The following DPP10 variants were observed in gnomAD, a reference collection of about 807,000 sequenced individuals.
The protein encoded by DPP10 is dipeptidyl peptidase like 10.
A neutral mutation model predicts 120.9 loss-of-function variants in DPP10; 33 were observed. That is an observed-to-expected ratio of 0.27 (90% CI 0.21 to 0.37). DPP10 has a LOEUF of 0.37. Ranked by LOEUF, DPP10 falls within the 10% of genes least tolerant of loss-of-function variation. The pLI, the probability that DPP10 is intolerant of heterozygous loss-of-function variation, is 1.00. For synonymous variants in DPP10, 337 were observed against 326.1 expected, an observed-to-expected ratio of 1.03 and a Z score of -0.36; for missense variants, 816 against 942.8, an observed-to-expected ratio of 0.87 and a Z score of 1.76.
intron 3 of DPP10, among the ~76,000 whole-genome samples, chr2:115,448,280 T>C (rs929962124): frequency 6.6e-6 from 1 of 152,100 alleles, no homozygotes; most frequent in African/African-American, 2.4e-5. Flanking sequence ...AGAATTGGGT[T>C]CTATCAGAAT....
chr2:115,647,557 A>G (rs957157260), intron 5 of DPP10, among the ~76,000 whole-genome samples: 1 of 152,164 alleles, frequency 6.6e-6, no homozygotes, highest in Non-Finnish European at 1.5e-5. Flanking sequence ...AAATTAACAA[A>G]CAAAGGACTG....
chr2:115,435,051 CAT>C (rs58828924), intron 3 of DPP10, among the ~76,000 whole-genome samples: 4,033 of 148,040 alleles, frequency 0.027, 64 homozygotes, highest in African/African-American at 0.039. Context: ...CACATGCACA[CAT>C]ATATATATAT....
intron 1 of DPP10, among the ~76,000 whole-genome samples, chr2:114,636,383 GC>G (rs1356539311): frequency 4.0e-5 from 6 of 151,878 alleles, no homozygotes. Context: ...CAGGCGAGTG[GC>G]CTTGAAAAAT....
chr2:114,851,645 C>T (rs1688951430), intron 1 of DPP10, among the ~76,000 whole-genome samples: 1 of 152,138 alleles, frequency 6.6e-6, no homozygotes, highest in Admixed American at 6.6e-5. Context: ...TCTTTGTAAA[C>T]AACTATTGGG....
At chr2:114,835,078 T>G (rs1376883969) in intron 1 of DPP10, 1 of 150,680 alleles carries the variant, frequency 6.6e-6, no homozygotes, top group African/African-American at 2.5e-5. Flanking sequence ...ATAAGCCATA[T>G]CTACACACCT....
intron 5 of DPP10, among the ~76,000 whole-genome samples, chr2:115,570,070 A>G (rs1333433764): frequency 6.6e-6 from 1 of 152,214 alleles, no homozygotes; most frequent in East Asian, 1.9e-4. Flanking sequence ...AGAAAATTCT[A>G]GGAAACATAC....
At chr2:115,225,264 G>A (rs530907496) in intron 1 of DPP10, among the ~76,000 whole-genome samples, 1 of 152,080 alleles carries the variant, frequency 6.6e-6, no homozygotes, top group South Asian at 2.1e-4. Flanking sequence ...ATTAGAGATG[G>A]AGGGAAGAAG....
chr2:115,064,576 C>G, intron 1 of DPP10: 1 of 1,133,236 alleles, frequency 8.8e-7, no homozygotes. Flanking sequence ...CCTACACACA[C>G]ATATTTCGGT....
At chr2:115,059,182 A>G (rs1299432118) in intron 1 of DPP10, among the ~76,000 whole-genome samples, 2 of 151,926 alleles carry the variant, frequency 1.3e-5, no homozygotes, top group African/African-American at 4.8e-5. Flanking sequence ...AAAGAAAAAG[A>G]TAAAAAGAAA....
chr2:115,093,740 A>AT (rs1709480685), intron 1 of DPP10, among the ~76,000 whole-genome samples: 1 of 152,078 alleles, frequency 6.6e-6, no homozygotes, highest in Non-Finnish European at 1.5e-5. Flanking sequence ...ACACACACAT[A>AT]AACTTTAAGA....
At chr2:114,977,147 T>C (rs1699804262) in intron 1 of DPP10, among the ~76,000 whole-genome samples, 1 of 152,202 alleles carries the variant, frequency 6.6e-6, no homozygotes, top group South Asian at 2.1e-4. Flanking sequence ...TTTTCTCTTT[T>C]ATTGAATTCA....
intron 1 of DPP10, among the ~76,000 whole-genome samples, chr2:114,830,492 T>G (rs935812418): frequency 6.6e-6 from 1 of 152,214 alleles, no homozygotes; most frequent in African/African-American, 2.4e-5. Context: ...TAAAAACGTG[T>G]ACTCTCTTAA....
intron 20 of DPP10, 118 bp from the exon 21 acceptor site, chr2:115,815,557 A>G: frequency 1.2e-6 from 1 of 858,686 alleles, no homozygotes; most frequent in Non-Finnish European, 1.7e-6. Flanking sequence ...ACAGAGCTAC[A>G]GTTAGTAAAG....
intron 5 of DPP10, among the ~76,000 whole-genome samples, chr2:115,594,216 C>T (rs2082855009): frequency 1.3e-5 from 2 of 152,160 alleles, no homozygotes; most frequent in Non-Finnish European, 2.9e-5. Context: ...TAACCACTAT[C>T]TCTATTTATG....
intron 1 of DPP10, among the ~76,000 whole-genome samples, chr2:114,990,045 C>T (rs1324694977): frequency 6.6e-6 from 1 of 152,146 alleles, no homozygotes; most frequent in Non-Finnish European, 1.5e-5. Context: ...TCCTTGTAAA[C>T]TGTACTTTTC....
At chr2:114,661,743 A>T (rs183849536) in intron 1 of DPP10, among the ~76,000 whole-genome samples, 1 of 152,324 alleles carries the variant, frequency 6.6e-6, no homozygotes, top group Admixed American at 6.5e-5. Flanking sequence ...TGTAGACTCC[A>T]TGGCATTTGG....
chr2:115,427,664 G>A (rs570187377), intron 3 of DPP10, among the ~76,000 whole-genome samples: 1 of 152,288 alleles, frequency 6.6e-6, no homozygotes, highest in African/African-American at 2.4e-5. Context: ...GGGAGGGGCT[G>A]CCTAGAAGAT....
chr2:115,451,844 A>C (rs1389622363), intron 3 of DPP10, among the ~76,000 whole-genome samples: 2 of 151,936 alleles, frequency 1.3e-5, no homozygotes, highest in Non-Finnish European at 2.9e-5. Flanking sequence ...GAAGGAACAA[A>C]GTATCGTTTG....
chr2:115,009,569 A>AAAG (rs933097037), intron 1 of DPP10, among the ~76,000 whole-genome samples: 1 of 151,574 alleles, frequency 6.6e-6, no homozygotes, highest in Non-Finnish European at 1.5e-5. Context: ...CCTAAAACTT[A>AAAG]AAGTATAATA....
Sources: allele counts gnomAD v4.1 joint callset (sites outside exome capture counted in the v4.1 genomes callset), GRCh38; gene constraint gnomAD v4.1.1; transcripts MANE v1.5; gene names NCBI Gene and HGNC (gene_info 2026-07-23, HGNC 2026-07-21).